CIITA: variants seen among roughly 807,000 people sequenced by gnomAD.
CIITA encodes the protein MHC class II transactivator.
A neutral mutation model predicts 115.1 loss-of-function variants in CIITA; 72 were observed. The observed-to-expected ratio is 0.63, with a 90% CI of 0.52 to 0.76. The LOEUF is 0.76. Ranked by LOEUF, CIITA falls within the 30% of genes least tolerant of loss-of-function variation. The probability of loss-of-function intolerance (pLI) is 0.00; values close to 1 mark genes in which losing one functional copy is unlikely to be tolerated. For synonymous variants in CIITA, 763 were observed against 635.6 expected, an observed-to-expected ratio of 1.20 and a Z score of -3.02; for missense variants, 1,617 against 1,463.8, an observed-to-expected ratio of 1.10 and a Z score of -1.71.
Position 10,930,057 on chromosome 16 carries a change from C to A in CIITA, c.*6202C>A. The A allele has an allele frequency of 6.6e-6, 1 of 152,448 alleles. No homozygotes were observed. 9.4% of individuals were successfully genotyped at this position (152,448 alleles called of 1,614,324 possible). On this transcript the variant is annotated 3_prime_UTR_variant, in exon 20 of 20. Transcript: ENST00000324288. ...AGCAGCCCCACTTGGCTCTTTCTCCCAGGATGCAGCATCATCTCCATGGCC... is the reference window on the plus strand; with the variant it reads ...AGCAGCCCCACTTGGCTCTTTCTCCAAGGATGCAGCATCATCTCCATGGCC...
At position 10,901,640 on chromosome 16, in the gene CIITA, T is replaced by A; in HGVS notation, c.481+82T>A. ...GAAGAGATTGAACTCCTGGCCCAAG[T>A]CTGATGGGGATGGTGCATGGTGCAG... On this transcript the variant is annotated intron_variant, in intron 6 of 19. Coordinates refer to ENST00000324288, the MANE Select transcript of CIITA (RefSeq NM_000246.4). This position sits in a 1 kb window ranked among gnomAD's most constrained non-coding sequence, Gnocchi z 6.8. The A allele has an allele frequency of 7.0e-7, 1 of 1,420,572 alleles. No individual in the cohort carries two copies. The highest frequency in any genetic ancestry group is 9.8e-7 in the Non-Finnish European group (1 of 1,021,260). 88.0% of individuals were successfully genotyped at this position (1,420,572 alleles called of 1,614,324 possible). A position where few individuals can be genotyped will look rare whatever the true frequency, so the allele number is the denominator to read the frequency against.
chr16:10,868,564 C>T (rs967368656), intron 1 of CIITA, among the ~76,000 whole-genome samples: 22 of 152,310 alleles, frequency 1.4e-4, no homozygotes, highest in African/African-American at 5.1e-4. Flanking sequence ...ACCACCCAAA[C>T]ATTCTCCCTT....
Position 10,941,730 on chromosome 16 carries a change from C to T in CIITA, n.856C>T, listed in dbSNP as rs537643712. 1 of 1,609,306 alleles carries T rather than the reference C, an allele frequency of 6.2e-7. No homozygotes were observed. Among genetic ancestry groups the T allele is most frequent in the South Asian group, 1.1e-5 (1 of 90,580 alleles). ...AGCAGTCGAGACCCTACTCCAAGTA[C>T]GCATCAAAGACGTCGAGCTCCGAGT... On this transcript the variant is annotated non_coding_transcript_exon_variant, in exon 2 of 2. Transcript: ENST00000573379. The surrounding 1 kb of genome is among the most constrained non-coding windows in gnomAD (Gnocchi z 6.4).
chr16:10,866,255 T>C (rs1180755791), upstream of CIITA: 2 of 523,812 alleles, frequency 3.8e-6, no homozygotes, highest in Admixed American at 4.2e-5. Flanking sequence ...TTCCAGGCAC[T>C]GGCCAGGGCA....
At chr16:10,911,316 TTCCTTCCC>T (rs1468412045) in intron 13 of CIITA, among the ~76,000 whole-genome samples, 2 of 130,228 alleles carry the variant, frequency 1.5e-5, no homozygotes, top group Non-Finnish European at 3.3e-5. Context: ...CCCTCCTTCC[TTCCTTCCC>T]TCCCTCCCTT....
At position 10,895,305 on chromosome 16, in the gene CIITA, G is replaced by C. The variant is rs768129835; in HGVS notation, c.76G>C (p.Glu26Gln). The C allele has an allele frequency of 1.2e-6, 2 of 1,613,980 alleles. No homozygotes were observed. Among genetic ancestry groups the C allele is most frequent in the East Asian group, 2.2e-5 (1 of 44,876 alleles). Residue 26 changes from glutamate (E) to glutamine (Q), a missense_variant, in exon 2 of 20, where the codon GAG (glutamate) becomes CAG (glutamine). Coordinates refer to ENST00000324288, the MANE Select transcript of CIITA (RefSeq NM_000246.4). Reference sequence around the variant, plus strand: ...AGGCAGCTCACAGTGTGCCACCATGGAGTTGGGGCCCCTAGAAGGTGGCTA... The same window carrying C: ...AGGCAGCTCACAGTGTGCCACCATGCAGTTGGGGCCCCTAGAAGGTGGCTA... ...PQGSSQCATM[E>Q]LGPLEGGYLE... is the part of the protein sequence containing the mutation.
intron 12 of CIITA, among the ~76,000 whole-genome samples, chr16:10,909,802 T>C (rs1472982045): frequency 6.6e-6 from 1 of 152,180 alleles, no homozygotes; most frequent in Non-Finnish European, 1.5e-5. Flanking sequence ...AGTGCGATCA[T>C]AGCTTACTGT....
chr16:10,892,984 A>G (rs189697236), intron 1 of CIITA, among the ~76,000 whole-genome samples: 1 of 152,338 alleles, frequency 6.6e-6, no homozygotes, highest in African/African-American at 2.4e-5. Context: ...ATCCTGGATT[A>G]TCTAGGTGGG....
chr16:10,934,991 G>C lies in CIITA; in HGVS notation c.*11136G>C, dbSNP rs1053039933. ...CTTCCTGGGCTAGAGCCCCTTCAGG[G>C]TCTGACACGCCATTGACACTGACCA... On this transcript the variant is annotated 3_prime_UTR_variant, in exon 20 of 20. Transcript: ENST00000324288. The surrounding 1 kb of genome is among the most constrained non-coding windows in gnomAD (Gnocchi z 4.2). 5 of 152,308 alleles carry C rather than the reference G, an allele frequency of 3.3e-5. 1 individual carries two copies. Among genetic ancestry groups the C allele is most frequent in the Admixed American group, 3.3e-4 (5 of 15,288 alleles). 9.4% of individuals were successfully genotyped at this position (152,308 alleles called of 1,614,324 possible).
chr16:10,906,570 C>T lies in CIITA; in HGVS notation c.1078C>T (p.Leu360=). Residue 360 remains leucine (L), a synonymous_variant, in exon 11 of 20, where the codon CTA becomes TTA. Transcript: ENST00000324288. ...CGAGCCCGCAGGCCCGGATGGCATC[C>T]TAGTGGAGGTGGATCTGGTGCAGGC... ...GAEPAGPDGI[L]VEVDLVQARL... 1 of 1,613,484 alleles carries T rather than the reference C, an allele frequency of 6.2e-7. No individual in the cohort carries two copies. The highest frequency in any genetic ancestry group is 8.5e-7 in the Non-Finnish European group (1 of 1,180,024).
In CIITA at chr16:10,879,414, C is replaced by G. The variant is rs910260784; in HGVS notation, c.52+2032C>G. On this transcript the variant is annotated intron_variant, in intron 1 of 19. Transcript: ENST00000324288. The surrounding 1 kb of genome is among the most constrained non-coding windows in gnomAD (Gnocchi z 4.3). ...CCGGGATCCTGCAGAGGTGCGCGCC[C>G]TTCTTGTACGCCAGACTTTGGACCA... 2.0e-5 allele frequency among the ~76,000 whole-genome samples: 3 copies of G among 152,200 alleles called. No individual in the cohort carries two copies. Among genetic ancestry groups the G allele is most frequent in the African/African-American group, 7.2e-5 (3 of 41,446 alleles).
At chr16:10,873,953 G>A (rs114481529), upstream of CIITA, among the ~76,000 whole-genome samples, 2,491 of 152,114 alleles carry the variant, frequency 0.016, 66 homozygotes, top group African/African-American at 0.055. Flanking sequence ...TTTTGTTGTT[G>A]CTGTTGTTGT....
chr16:10,901,592 G>T lies in CIITA; in HGVS notation c.481+34G>T. Reference sequence around the variant, plus strand: ...GGCAGGTGGGCTGGGGTTGGGAAGGGTGGATGCCTTGGGGAGGGGATGGAA... The same window carrying T: ...GGCAGGTGGGCTGGGGTTGGGAAGGTTGGATGCCTTGGGGAGGGGATGGAA... On this transcript the variant is annotated intron_variant, in intron 6 of 19. Transcript: ENST00000324288. This position sits in a 1 kb window ranked among gnomAD's most constrained non-coding sequence, Gnocchi z 6.8. The T allele has an allele frequency of 1.2e-6, 2 of 1,610,226 alleles. No homozygotes were observed. Among genetic ancestry groups the T allele is most frequent in the South Asian group, 2.2e-5 (2 of 90,784 alleles).
intron 1 of CIITA, among the ~76,000 whole-genome samples, chr16:10,891,018 T>G (rs2037514719): frequency 6.6e-6 from 1 of 152,154 alleles, no homozygotes; most frequent in Non-Finnish European, 1.5e-5. Context: ...GATACTTGCC[T>G]TCTTTCCCTT....
chr16:10,892,842 A>G (rs945203413), intron 1 of CIITA, among the ~76,000 whole-genome samples: 1 of 152,156 alleles, frequency 6.6e-6, no homozygotes, highest in African/African-American at 2.4e-5. Flanking sequence ...CTGGGGCAGG[A>G]GAATCGCTTG....
rs1038511582 is a variant in CIITA, at chr16:10,931,703, C to G, written c.*7848C>G. The stretch of plus-strand genomic sequence containing the variant: ...GACTAGCCTGGCCAACATGGCGAAA[C>G]CGCGTCTCTACTAAAAACAAACAAA... On this transcript the variant is annotated 3_prime_UTR_variant, in exon 20 of 20. Coordinates refer to ENST00000324288, the MANE Select transcript of CIITA (RefSeq NM_000246.4). 1 of 152,222 alleles carries G rather than the reference C, an allele frequency of 6.6e-6. No homozygotes were observed. The highest frequency in any genetic ancestry group is 1.5e-5 in the Non-Finnish European group (1 of 68,062). 9.4% of individuals were successfully genotyped at this position (152,222 alleles called of 1,614,324 possible).
intron 1 of CIITA, among the ~76,000 whole-genome samples, chr16:10,886,766 C>G (rs963067989): frequency 6.6e-6 from 1 of 152,238 alleles, no homozygotes; most frequent in Non-Finnish European, 1.5e-5. Context: ...ACTGTGCCAA[C>G]AAAATGCAGT....
chr16:10,902,096 C>T lies in CIITA; in HGVS notation c.540C>T (p.Ser180=). 6.2e-7 allele frequency: 1 copy of T among 1,614,162 alleles called. No homozygotes were observed. Among genetic ancestry groups the T allele is most frequent in the Non-Finnish European group, 8.5e-7 (1 of 1,180,022 alleles). ...SLLVGPVSDC[S]TLPCLPLPAL... ...TAGTGGGACCAGTGAGCGACTGCTCCACCCTGCCCTGCCTGCCACTGCCTG... is the reference window on the plus strand; with the variant it reads ...TAGTGGGACCAGTGAGCGACTGCTCTACCCTGCCCTGCCTGCCACTGCCTG... The change falls in exon 7 of 20, where the codon TCC becomes TCT. Residue 180 remains serine, a synonymous_variant. Transcript: ENST00000324288.
At position 10,879,525 on chromosome 16, in the gene CIITA, CG is replaced by C. The variant is rs541925252; in HGVS notation, c.52+2149del. On this transcript the variant is annotated intron_variant, in intron 1 of 19. Coordinates refer to ENST00000324288, the MANE Select transcript of CIITA (RefSeq NM_000246.4). This position sits in a 1 kb window ranked among gnomAD's most constrained non-coding sequence, Gnocchi z 4.3. ...AATCTTGGGTATTGGGCTCTCCAGG[CG>C]GGGGGCCCTGCTCAGGGAGGCAGTA... Among the ~76,000 whole-genome samples, 43 of 150,778 alleles carry C rather than the reference CG, an allele frequency of 2.9e-4. No homozygotes were observed. The East Asian group carries it at 8.4e-3, about 29-fold the overall frequency.
Sources: gnomAD v4.1 joint callset for allele counts (sites outside exome capture counted in the v4.1 genomes callset) on GRCh38, gnomAD v4.1.1 for gene constraint, Gnocchi (gnomAD v3.1) non-coding constraint, MANE v1.5 for transcripts, NCBI Gene and HGNC (gene_info 2026-07-23, HGNC 2026-07-21) for gene names.